EPB41L2: variants seen among roughly 807,000 people sequenced by gnomAD.
EPB41L2 encodes the protein band 4.1-like protein 2.
EPB41L2 carries 43 observed loss-of-function variants against 113.0 expected under a neutral mutation model. The ratio of observed to expected loss-of-function variants is 0.38; its 90% CI spans 0.30 to 0.49. The LOEUF is 0.49. Among genes scored for constraint, EPB41L2 ranks in the 20% least tolerant of loss-of-function variants. EPB41L2 has a pLI of 0.95. For missense variants in EPB41L2, 1,147 were observed against 1,223.4 expected (o/e 0.94, Z 0.93); for synonymous variants, 442 against 436.7 (o/e 1.01, Z -0.15).
At chr6:130,879,700 C>A (rs201200953) in intron 13 of EPB41L2, among the ~76,000 whole-genome samples, 1 of 3,328 alleles carries the variant, frequency 3.0e-4, no homozygotes, top group Non-Finnish European at 5.1e-4. Flanking sequence ...TGGATTTTAA[C>A]CAAAAAAAAC....
At chr6:130,962,584 T>G (rs1320929533) in intron 1 of EPB41L2, among the ~76,000 whole-genome samples, 1 of 152,198 alleles carries the variant, frequency 6.6e-6, no homozygotes, top group African/African-American at 2.4e-5. Flanking sequence ...GTTTATTTAT[T>G]TTTAAAAGGA....
In EPB41L2 at chr6:130,869,807, A is replaced by G; in HGVS notation, c.2363T>C (p.Val788Ala). The G allele has an allele frequency of 6.2e-7, 1 of 1,613,232 alleles. No homozygotes were observed. The highest frequency in any genetic ancestry group is 8.5e-7 in the Non-Finnish European group (1 of 1,179,834). ...TTCGGGCACTGCTTCCTCCCTCTCT[A>G]CTACCTTGGCTGCCGGGCGGGGTTC... Reference protein sequence around the residue: ...EEEPRPAAKVVEREEAVPEAS... With the variant: ...EEEPRPAAKVAEREEAVPEAS... The change falls in exon 15 of 20, where the codon GTA becomes GCA. Residue 788 changes from valine to alanine, a missense_variant. Coordinates refer to ENST00000337057, the MANE Select transcript of EPB41L2 (RefSeq NM_001431.4).
chr6:130,884,974 T>C (rs1244135779), intron 12 of EPB41L2, 122 bp downstream of exon 12: 2 of 1,107,030 alleles, frequency 1.8e-6, no homozygotes, highest in South Asian at 1.5e-5. Context: ...AAAACATAAA[T>C]GACCAGCAGA....
At position 130,926,718 on chromosome 6, in the gene EPB41L2, A is replaced by T; in HGVS notation, c.706-9T>A. 1 of 1,571,080 alleles carries T rather than the reference A, an allele frequency of 6.4e-7. No individual in the cohort carries two copies. Among genetic ancestry groups the T allele is most frequent in the Non-Finnish European group, 8.6e-7 (1 of 1,157,752 alleles). ...TGTCCCTTGGCATGTTTCTGGAGAA[A>T]AAATAATAACTTTACTTTTCAAGTA... On this transcript the variant is annotated splice_polypyrimidine_tract_variant and intron_variant, in intron 3 of 19. Transcript: ENST00000337057.
At chr6:130,864,214 T>C (rs1049274136) in intron 17 of EPB41L2, among the ~76,000 whole-genome samples, 19 of 152,252 alleles carry the variant, frequency 1.2e-4, no homozygotes, top group African/African-American at 4.3e-4. Context: ...ATATATTTTT[T>C]TCCCATCACA....
chr6:131,052,619 G>C lies in EPB41L2; in HGVS notation c.-15+10536C>G, dbSNP rs190823075. On this transcript the variant is annotated intron_variant, in intron 1 of 19. Coordinates refer to ENST00000337057, the MANE Select transcript of EPB41L2 (RefSeq NM_001431.4). ...ATAAAACATAAAGTTGTAAAAGAAA[G>C]TACATGTAATCAAAGCACTTTACAT... 1.7e-4 allele frequency among the ~76,000 whole-genome samples: 26 copies of C among 152,218 alleles called. 1 individual carries two copies. The highest frequency in any genetic ancestry group is 1.5e-3 in the Admixed American group (23 of 15,308).
At chr6:131,034,424 A>G (rs1052446685) in intron 1 of EPB41L2, among the ~76,000 whole-genome samples, 2 of 152,324 alleles carry the variant, frequency 1.3e-5, no homozygotes, top group African/African-American at 4.8e-5. Context: ...TCTGGGCAGC[A>G]TGGTGAAACC....
chr6:131,026,014 TATGATTGAA>T (rs1207300838), intron 1 of EPB41L2, among the ~76,000 whole-genome samples: 1 of 152,176 alleles, frequency 6.6e-6, no homozygotes, highest in Non-Finnish European at 1.5e-5. Flanking sequence ...CTAAAGATAC[TATGATTGAA>T]ATTATTAAAA....
chr6:130,951,515 T>C (rs1022416387), intron 3 of EPB41L2, among the ~76,000 whole-genome samples: 2 of 151,236 alleles, frequency 1.3e-5, no homozygotes, highest in African/African-American at 2.4e-5. Flanking sequence ...TTGGTAAAGA[T>C]GGAGTTTCAT....
chr6:130,936,259 C>A (rs762807832), intron 3 of EPB41L2, among the ~76,000 whole-genome samples: 27 of 152,074 alleles, frequency 1.8e-4, no homozygotes, highest in Non-Finnish European at 3.4e-4. Flanking sequence ...TTCTTATCTG[C>A]AAAAAACAAA....
chr6:130,932,909 G>C (rs1446089372), intron 3 of EPB41L2, among the ~76,000 whole-genome samples: 9 of 152,180 alleles, frequency 5.9e-5, no homozygotes, highest in Admixed American at 5.9e-4. Flanking sequence ...CCTAGCTGAT[G>C]GACTACCAAC....
At chr6:131,026,229 T>C (rs929280126) in intron 1 of EPB41L2, among the ~76,000 whole-genome samples, 1 of 152,150 alleles carries the variant, frequency 6.6e-6, no homozygotes, top group Admixed American at 6.5e-5. Flanking sequence ...AGATAACAGA[T>C]ACAAGAAATA....
intron 10 of EPB41L2, among the ~76,000 whole-genome samples, chr6:130,891,224 G>A (rs892187795): frequency 6.6e-6 from 1 of 151,966 alleles, no homozygotes. Flanking sequence ...GAATTCCACC[G>A]AAACTTTTCC....
At chr6:130,841,221 C>CAA (rs113100092) in intron 19 of EPB41L2, among the ~76,000 whole-genome samples, 56,385 of 138,692 alleles carry the variant, frequency 0.41, 12,998 homozygotes, top group East Asian at 0.7. Context: ...TCTAATTGAC[C>CAA]AAAAAAAAAA....
intron 1 of EPB41L2, among the ~76,000 whole-genome samples, chr6:130,967,550 A>C (rs1775610402): frequency 6.6e-6 from 1 of 152,026 alleles, no homozygotes; most frequent in Non-Finnish European, 1.5e-5. Context: ...AAAGTTGGGG[A>C]CATTTTTTTT....
intron 1 of EPB41L2, among the ~76,000 whole-genome samples, chr6:131,040,663 A>G (rs1439454579): frequency 1.3e-5 from 2 of 152,154 alleles, no homozygotes; most frequent in Admixed American, 1.3e-4. Context: ...TCAAAGGGAA[A>G]ACTATAATTT....
intron 1 of EPB41L2, among the ~76,000 whole-genome samples, chr6:131,045,629 C>T (rs538338872): frequency 6.6e-6 from 1 of 152,096 alleles, no homozygotes; most frequent in Non-Finnish European, 1.5e-5. Flanking sequence ...AGGAGAGACT[C>T]AAAGACTTTC....
intron 3 of EPB41L2, among the ~76,000 whole-genome samples, chr6:130,935,574 T>A (rs998475506): frequency 1.3e-5 from 2 of 152,178 alleles, no homozygotes; most frequent in African/African-American, 4.8e-5. Flanking sequence ...CTACCAACAT[T>A]ATTAACACAA....
At chr6:130,957,857 T>C (rs1158452487) in intron 1 of EPB41L2, among the ~76,000 whole-genome samples, 1 of 152,212 alleles carries the variant, frequency 6.6e-6, no homozygotes, top group Non-Finnish European at 1.5e-5. Context: ...CTGTGCCCAT[T>C]AGTAGTCACT....
Sources: allele counts gnomAD v4.1 joint callset (sites outside exome capture counted in the v4.1 genomes callset), GRCh38; gene constraint gnomAD v4.1.1; transcripts MANE v1.5; gene names NCBI Gene and HGNC (gene_info 2026-07-23, HGNC 2026-07-21).